The following PIBF1 variants were observed in gnomAD, a reference collection of about 807,000 sequenced individuals.
The protein encoded by PIBF1 is progesterone-induced-blocking factor 1.
In PIBF1, 90 loss-of-function variants were observed where a neutral mutation model predicts 112.5. That is an observed-to-expected ratio of 0.80 (90% CI 0.67 to 0.95). PIBF1 has a LOEUF of 0.95. Among genes scored for constraint, PIBF1 ranks in the 40% least tolerant of loss-of-function variants. The pLI is 0.00. For missense variants in PIBF1, 915 were observed against 852.3 expected (o/e 1.07, Z -0.92); for synonymous variants, 301 against 288.6 (o/e 1.04, Z -0.44).
At chr13:72,999,079 T>A in intron 17 of PIBF1, 84 bp downstream of exon 17, 1 of 865,432 alleles carries the variant, frequency 1.2e-6, no homozygotes, top group Non-Finnish European at 1.8e-6. Flanking sequence ...CTTTTACATT[T>A]ATGAAATGAG....
At chr13:72,796,969 T>G (rs1307213163) in intron 4 of PIBF1, among the ~76,000 whole-genome samples, 1 of 152,176 alleles carries the variant, frequency 6.6e-6, no homozygotes, top group Non-Finnish European at 1.5e-5. Flanking sequence ...AGTTTCAGAT[T>G]GCATGCCTAT....
At chr13:72,952,384 C>CT (rs1490430473) in intron 14 of PIBF1, among the ~76,000 whole-genome samples, 1 of 151,268 alleles carries the variant, frequency 6.6e-6, no homozygotes, top group East Asian at 1.9e-4. Context: ...TGGTTTTCAC[C>CT]TTTCTCTCAT....
At chr13:72,898,570 C>T (rs1475690023) in intron 11 of PIBF1, among the ~76,000 whole-genome samples, 1 of 151,896 alleles carries the variant, frequency 6.6e-6, no homozygotes, top group African/African-American at 2.4e-5. Flanking sequence ...GGCACGGTGG[C>T]TCACGCCTGT....
chr13:72,844,762 C>CACACGGATGAAGTCTTACTGTTT (rs2037776904), intron 9 of PIBF1, among the ~76,000 whole-genome samples: 2 of 125,922 alleles, frequency 1.6e-5, no homozygotes, highest in African/African-American at 6.3e-5. Flanking sequence ...CACACACACA[C>CACACGGATGAAGTCTTACTGTTT]ACACACACAC....
chr13:72,977,597 A>G (rs775406389), intron 16 of PIBF1, among the ~76,000 whole-genome samples: 2 of 152,062 alleles, frequency 1.3e-5, no homozygotes, highest in East Asian at 1.9e-4. Context: ...GTTCATTTAC[A>G]TAATTCCAAA....
At chr13:72,953,112 C>G (rs892109696) in intron 14 of PIBF1, among the ~76,000 whole-genome samples, 5 of 152,088 alleles carry the variant, frequency 3.3e-5, no homozygotes, top group African/African-American at 1.2e-4. Flanking sequence ...CACCACAGCT[C>G]TCCTTCCAGG....
In PIBF1 at chr13:72,842,321, G is replaced by T. The variant is rs1379764008; in HGVS notation, c.1223+6953G>T. On this transcript the variant is annotated intron_variant, in intron 9 of 17. Coordinates refer to ENST00000326291, the MANE Select transcript of PIBF1 (RefSeq NM_006346.4). ...TAGAGGTATTCATGATGCTCTTGAT[G>T]CAGTACAGAATCTGGAAATTGAAAT... is the stretch of plus-strand genomic sequence containing the variant. 8.9e-4 allele frequency among the ~76,000 whole-genome samples: 136 copies of T among 152,210 alleles called. 1 individual carries two copies. Among genetic ancestry groups the T allele is most frequent in the Non-Finnish European group, 4.4e-5 (3 of 68,032 alleles).
chr13:72,982,063 G>C (rs939550609), intron 16 of PIBF1, among the ~76,000 whole-genome samples: 8 of 152,152 alleles, frequency 5.3e-5, no homozygotes, highest in Admixed American at 3.9e-4. Flanking sequence ...TAATATAGCA[G>C]TGTTCCTGGA....
chr13:72,908,479 A>T, intron 11 of PIBF1, 52 bp from the exon 12 acceptor site: 1 of 1,262,814 alleles, frequency 7.9e-7, no homozygotes, highest in Non-Finnish European at 1.1e-6. Context: ...TTTTTGTCTT[A>T]ACTGTGCACC....
At position 72,933,550 on chromosome 13, in the gene PIBF1, T is replaced by C. The variant is rs536549600; in HGVS notation, c.1833+2283T>C. Among the ~76,000 whole-genome samples, 19 of 152,316 alleles carry C rather than the reference T, an allele frequency of 1.2e-4. No homozygotes were observed. The South Asian group carries it at 3.3e-3, about 27-fold the overall frequency. On this transcript the variant is annotated intron_variant, in intron 14 of 17. Coordinates refer to ENST00000326291, the MANE Select transcript of PIBF1 (RefSeq NM_006346.4). ...GATGGCACATGCCTGTAATCCCAGC[T>C]ACCTGGGAAGCTGAGGCACGAGAAT...
chr13:72,920,081 T>G (rs1189001267), intron 13 of PIBF1, among the ~76,000 whole-genome samples: 1 of 152,242 alleles, frequency 6.6e-6, no homozygotes, highest in East Asian at 1.9e-4. Context: ...CTGTTGCACA[T>G]TACTATTTTT....
intron 10 of PIBF1, among the ~76,000 whole-genome samples, chr13:72,888,824 TA>T (rs928131441): frequency 2.4e-4 from 35 of 146,064 alleles, no homozygotes; most frequent in East Asian, 1.9e-3. Context: ...CATACATGTT[TA>T]AAAAAAAACA....
At chr13:72,971,190 G>T (rs190405835) in intron 15 of PIBF1, among the ~76,000 whole-genome samples, 40 of 114,138 alleles carry the variant, frequency 3.5e-4, no homozygotes, top group Non-Finnish European at 6.3e-4. Flanking sequence ...GAGTGAGTGT[G>T]TGTGTGTGTG....
chr13:72,814,720 G>A (rs1479924138), intron 5 of PIBF1, among the ~76,000 whole-genome samples: 2 of 151,754 alleles, frequency 1.3e-5, no homozygotes, highest in Non-Finnish European at 2.9e-5. Flanking sequence ...TCTGTAGCCG[G>A]AAATGCCTTT....
Position 72,783,562 on chromosome 13 carries a change from G to A in PIBF1, c.93G>A (p.Thr31=), listed in dbSNP as rs78499028. 3,832 of 1,613,768 alleles carry A rather than the reference G, an allele frequency of 2.4e-3. 68 individuals are homozygous for A. In the African/African-American group the frequency reaches 0.042, roughly 18 times the overall value. ...EDISLETTVP[T]DDISSSEERE... ...TTAGTTTAGAAACAACAGTTCCTAC[G>A]GATGATATTTCCTCATCAGAAGAGC... is the stretch of plus-strand genomic sequence containing the variant. The change falls in exon 2 of 18, where the codon ACG becomes ACA. Residue 31 remains threonine (T), a synonymous_variant. Coordinates refer to ENST00000326291, the MANE Select transcript of PIBF1 (RefSeq NM_006346.4).
intron 14 of PIBF1, among the ~76,000 whole-genome samples, chr13:72,958,656 G>A (rs777969296): frequency 3.7e-4 from 57 of 152,128 alleles, no homozygotes; most frequent in Non-Finnish European, 7.2e-4. Context: ...GTAATCCAGC[G>A]ACAAAGAGGT....
chr13:73,005,087 A>G (rs1368887875), intron 17 of PIBF1, among the ~76,000 whole-genome samples: 1 of 152,108 alleles, frequency 6.6e-6, no homozygotes, highest in Non-Finnish European at 1.5e-5. Context: ...AGGCAGGAGA[A>G]TCACTTGAAC....
chr13:72,818,874 C>G (rs2036418032), intron 5 of PIBF1, among the ~76,000 whole-genome samples: 1 of 152,004 alleles, frequency 6.6e-6, no homozygotes, highest in African/African-American at 2.4e-5. Flanking sequence ...GGTCGTAATT[C>G]TATTATTTCT....
At chr13:72,873,774 A>T (rs1293371261) in intron 10 of PIBF1, among the ~76,000 whole-genome samples, 1 of 24,128 alleles carries the variant, frequency 4.1e-5, no homozygotes, top group Non-Finnish European at 6.9e-5. Context: ...TACTCAAAAT[A>T]AAAAAAAAAA....
Sources: gnomAD v4.1 joint callset for allele counts (sites outside exome capture counted in the v4.1 genomes callset) on GRCh38, gnomAD v4.1.1 for gene constraint, MANE v1.5 for transcripts, NCBI Gene and HGNC (gene_info 2026-07-23, HGNC 2026-07-21) for gene names.